Variants in LSG1 observed in about 807,000 individuals in gnomAD.
LSG1 encodes large 60S subunit nuclear export GTPase 1, also known as large subunit GTPase 1 homolog.
Under a neutral mutation model 82.6 loss-of-function variants are expected in LSG1, and 55 were observed. The observed-to-expected ratio is 0.67, with a 90% CI of 0.54 to 0.83. LSG1 has a LOEUF of 0.83. LSG1 is among the 40% of genes least tolerant of loss of function. LSG1 has a pLI of 0.00. For missense variants in LSG1, 809 were observed against 807.9 expected, an observed-to-expected ratio of 1.00 and a Z score of -0.02; for synonymous variants, 272 against 282.5, an observed-to-expected ratio of 0.96 and a Z score of 0.37.
At chr3:194,649,905 G>GT (rs200467137) in intron 10 of LSG1, among the ~76,000 whole-genome samples, 6,909 of 148,632 alleles carry the variant, frequency 0.046, 532 homozygotes, top group African/African-American at 0.16. Context: ...AGACCTTGCA[G>GT]TTTTTTTTTT....
Position 194,641,907 on chromosome 3 carries a change from G to A in LSG1, c.*161C>T, listed in dbSNP as rs1490513640. 1.6e-6 allele frequency: 1 copy of A among 642,594 alleles called. No homozygotes were observed. Among genetic ancestry groups the A allele is most frequent in the Admixed American group, 2.8e-5 (1 of 35,970 alleles). The allele number at this position is 642,594 out of a possible 1,614,324, so 39.8% of individuals were successfully genotyped here. On this transcript the variant is annotated 3_prime_UTR_variant, in exon 14 of 14. Transcript: ENST00000265245. ...TTGTCAGAGTTGGTGTTTCCAGGAG[G>A]CCCTTGGTCTTGACATGGAGACTGT...
At chr3:194,663,880 G>A (rs1272146772) in intron 5 of LSG1, among the ~76,000 whole-genome samples, 1 of 152,172 alleles carries the variant, frequency 6.6e-6, no homozygotes, top group Non-Finnish European at 1.5e-5. Context: ...AGCCCTTTCT[G>A]TACCCGTAGA....
intron 10 of LSG1, 117 bp downstream of exon 10, chr3:194,650,764 G>C: frequency 5.9e-6 from 6 of 1,024,942 alleles, no homozygotes; most frequent in Non-Finnish European, 8.5e-6. Context: ...ATAAACTTGT[G>C]CAGATCACTA....
At position 194,670,042 on chromosome 3, in the gene LSG1, T is replaced by C. The variant is rs149914132; in HGVS notation, c.193A>G (p.Thr65Ala). 506 of 1,614,012 alleles carry C rather than the reference T, an allele frequency of 3.1e-4. No homozygotes were observed. Among genetic ancestry groups the C allele is most frequent in the Non-Finnish European group, 3.9e-4 (455 of 1,179,996 alleles). ...AACTCTGTTCCTGCAAGTTCTGCAG[T>C]AGCAAGGAAGTCATCAAGGGAGCTC... ...EQSSLDDFLA[T>A]AELAGTEFVA... Residue 65 changes from threonine to alanine, a missense_variant, in exon 2 of 14, where the codon ACT (threonine) becomes GCT (alanine). Physicochemically the swap from Thr to Ala is moderately conservative, Grantham distance 58. Coordinates refer to ENST00000265245, the MANE Select transcript of LSG1 (RefSeq NM_018385.3).
At chr3:194,671,627 G>A (rs1161434482) in intron 1 of LSG1, among the ~76,000 whole-genome samples, 1 of 152,142 alleles carries the variant, frequency 6.6e-6, no homozygotes, top group African/African-American at 2.4e-5. Flanking sequence ...ACCACTAGGG[G>A]GTGCTTCGCA....
At chr3:194,659,976 G>C in intron 6 of LSG1, 97 bp downstream of exon 6, 1 of 1,059,618 alleles carries the variant, frequency 9.4e-7, no homozygotes, top group East Asian at 2.4e-5. Flanking sequence ...CGAAGCCAGA[G>C]AGGGCAGAAT....
At chr3:194,646,288 T>A (rs768418761) in intron 11 of LSG1, 45 bp from the exon 12 acceptor site, 5 of 1,491,722 alleles carry the variant, frequency 3.4e-6, no homozygotes. Context: ...TGACAGAATA[T>A]CACAACAAAG....
In LSG1 at chr3:194,671,225, CCA is replaced by C. The variant is rs1035553199; in HGVS notation, c.99+837_99+838del. 1.5e-4 allele frequency among the ~76,000 whole-genome samples: 23 copies of C among 152,240 alleles called. 1 individual carries two copies. The highest frequency in any genetic ancestry group is 3.4e-3 in the Middle Eastern group (1 of 294). On this transcript the variant is annotated intron_variant, in intron 1 of 13. Transcript: ENST00000265245. Reference sequence around the variant, plus strand: ...TCTTTACCATTCATGTTCAATCTTCCCACAGTTTCCTAAAAGGCTTCATTAGT... The same window carrying C: ...TCTTTACCATTCATGTTCAATCTTCCCAGTTTCCTAAAAGGCTTCATTAGT...
intron 10 of LSG1, 23 bp downstream of exon 10, chr3:194,650,858 T>A (rs1278758620): frequency 1.3e-6 from 2 of 1,596,072 alleles, no homozygotes; most frequent in South Asian, 2.3e-5. Flanking sequence ...ATAACTAGAG[T>A]GTTTCCAAAG....
chr3:194,656,801 T>C (rs540989879), intron 7 of LSG1, among the ~76,000 whole-genome samples: 189 of 152,222 alleles, frequency 1.2e-3, no homozygotes, highest in African/African-American at 4.4e-3. Flanking sequence ...ATATACACCA[T>C]GGAATACTAT....
At chr3:194,652,467 G>C (rs1288780275) in intron 8 of LSG1, among the ~76,000 whole-genome samples, 1 of 152,146 alleles carries the variant, frequency 6.6e-6, no homozygotes, top group Admixed American at 6.5e-5. Flanking sequence ...TCACACGGCA[G>C]GAAAAGCTGA....
intron 2 of LSG1, among the ~76,000 whole-genome samples, chr3:194,668,206 T>A (rs773988554): frequency 4.8e-4 from 73 of 152,040 alleles, no homozygotes; most frequent in Admixed American, 1.2e-3. Flanking sequence ...GTGTTTCCAC[T>A]TTTTGGTGAT....
chr3:194,659,973 A>G (rs1031368393), intron 6 of LSG1, 100 bp downstream of exon 6: 14 of 1,033,802 alleles, frequency 1.4e-5, no homozygotes, highest in Non-Finnish European at 2.1e-5. Flanking sequence ...AAACGAAGCC[A>G]GAGAGGGCAG....
chr3:194,671,999 A>C, intron 1 of LSG1, 65 bp downstream of exon 1: 4 of 1,470,526 alleles, frequency 2.7e-6, no homozygotes, highest in Non-Finnish European at 3.8e-6. Flanking sequence ...CTGACTTTTG[A>C]CCCCGAATTT....
At chr3:194,669,867 G>C in intron 2 of LSG1, 142 bp downstream of exon 2, 1 of 889,346 alleles carries the variant, frequency 1.1e-6, no homozygotes, top group Admixed American at 2.4e-5. Flanking sequence ...AGGAGGCGGA[G>C]CTGCAGTGAG....
chr3:194,667,394 C>A (rs1719051589), intron 2 of LSG1, among the ~76,000 whole-genome samples: 2 of 152,084 alleles, frequency 1.3e-5, no homozygotes, highest in African/African-American at 4.8e-5. Context: ...ACAAATCTTT[C>A]CAACTTCCCT....
At position 194,648,756 on chromosome 3, in the gene LSG1, T is replaced by C. The variant is rs1718608940; in HGVS notation, c.1468A>G (p.Asn490Asp). The stretch of plus-strand genomic sequence containing the variant: ...TCATCCTCTCTAGGCGTTATGATGT[T>C]AATGCCATAGGTAGCTTCTAAAACA... ...RHVLEATYGINIITPREDEDP... is the reference protein window; with the variant it reads ...RHVLEATYGIDIITPREDEDP... Residue 490 changes from asparagine (N) to aspartate (D), a missense_variant, in exon 11 of 14, where the codon AAC (asparagine) becomes GAC (aspartate). Coordinates refer to ENST00000265245, the MANE Select transcript of LSG1 (RefSeq NM_018385.3). The C allele has an allele frequency of 6.2e-7, 1 of 1,614,006 alleles. No individual in the cohort carries two copies. The highest frequency in any genetic ancestry group is 8.5e-7 in the Non-Finnish European group (1 of 1,179,982).
rs539406568 is a variant in LSG1 at position 194,646,190 on chromosome 3, G to A, written c.1597C>T (p.Arg533Cys). 94 of 1,613,954 alleles carry A rather than the reference G, an allele frequency of 5.8e-5. No homozygotes were observed. Among genetic ancestry groups the A allele is most frequent in the Middle Eastern group, 1.6e-4 (1 of 6,084 alleles). The stretch of plus-strand genomic sequence containing the variant: ...CTGACATAGTCCTTCAGGATGTAGC[G>A]CGCAGATCGAGGCTGGTCTGGCTGT... ...HGQPDQPRSA[R>C]YILKDYVSGK... The change falls in exon 12 of 14, where the codon CGC (arginine) becomes TGC (cysteine). Residue 533 changes from arginine (R) to cysteine (C), a missense_variant. Physicochemically the swap from Arg to Cys is radical, Grantham distance 180. Transcript: ENST00000265245.
intron 8 of LSG1, chr3:194,651,482 T>G: frequency 2.3e-6 from 1 of 437,926 alleles, no homozygotes; most frequent in South Asian, 2.6e-5. Flanking sequence ...TACAGAAAAT[T>G]TCATCCCCTT....
Sources: gnomAD v4.1 joint callset for allele counts (sites outside exome capture counted in the v4.1 genomes callset) on GRCh38, gnomAD v4.1.1 for gene constraint, MANE v1.5 for transcripts, NCBI Gene and HGNC (gene_info 2026-07-23, HGNC 2026-07-21) for gene names.